CHKA: variants seen among roughly 807,000 people sequenced by gnomAD.
CHKA encodes the protein choline kinase alpha, also known as CHETK-alpha.
CHKA carries 34 observed loss-of-function variants against 60.1 expected under a neutral mutation model. The observed-to-expected ratio is 0.57, with a 90% CI of 0.43 to 0.75. The LOEUF (loss-of-function observed/expected upper bound fraction) is 0.75, where lower values mean the gene tolerates loss of function less well. Ranked by LOEUF, CHKA falls within the 30% of genes least tolerant of loss-of-function variation. The pLI, the probability that CHKA is intolerant of heterozygous loss-of-function variation, is 0.00. For missense variants in CHKA, 563 were observed against 561.3 expected (o/e 1.00, Z -0.03); for synonymous variants, 217 against 223.1 (o/e 0.97, Z 0.24).
At chr11:68,100,590 C>G (rs1857672202) in intron 1 of CHKA, among the ~76,000 whole-genome samples, 1 of 117,498 alleles carries the variant, frequency 8.5e-6, no homozygotes, top group African/African-American at 3.3e-5. Context: ...AACATCATCT[C>G]CAATAAATAA....
intron 4 of CHKA, among the ~76,000 whole-genome samples, chr11:68,071,199 A>G (rs1856606424): frequency 1.3e-5 from 2 of 152,220 alleles, no homozygotes; most frequent in Admixed American, 1.3e-4. Context: ...CCCAATGCTG[A>G]AGTCCATGTC....
rs900372938 is a variant in CHKA, at chr11:68,121,326, G to GCTGCGGCGA, written c.-158_-150dup. The GCTGCGGCGA allele has an allele frequency of 0.39, 109,156 of 278,162 alleles. 29,294 individuals are homozygous for GCTGCGGCGA. Among genetic ancestry groups the GCTGCGGCGA allele is most frequent in the Admixed American group, 0.63 (9,734 of 15,562 alleles). 17.2% of individuals were successfully genotyped at this position (278,162 alleles called of 1,614,324 possible). ...TTGGGCGCGCGGGGCGGCGGCGGCG[G>GCTGCGGCGA]CTGCGGCGACTGCGGCGACTGTGGA... On this transcript the variant is annotated 5_prime_UTR_variant, in exon 1 of 12. Coordinates refer to ENST00000265689, the MANE Select transcript of CHKA (RefSeq NM_001277.3).
chr11:68,081,685 G>A, intron 2 of CHKA: 1 of 460,772 alleles, frequency 2.2e-6, no homozygotes, highest in Non-Finnish European at 4.0e-6. Context: ...GGATGTGCCG[G>A]TGAGACCCGA....
In CHKA at chr11:68,070,749, T is replaced by C; in HGVS notation, c.739A>G (p.Lys247Glu). 6.2e-7 allele frequency: 1 copy of C among 1,612,530 alleles called. No homozygotes were observed. ...TTTTCCATTGTGCCAAAAAGCCATT[T>C]TGGTTCCTTATTGAATGGCATTTTC... The part of the protein sequence containing the change: ...GMKMPFNKEP[K>E]WLFGTMEKYL... Residue 247 changes from lysine to glutamate, a missense_variant, in exon 5 of 12, where the codon AAA becomes GAA. Coordinates refer to ENST00000265689, the MANE Select transcript of CHKA (RefSeq NM_001277.3).
At chr11:68,098,315 A>G (rs559457696) in intron 1 of CHKA, among the ~76,000 whole-genome samples, 5 of 151,996 alleles carry the variant, frequency 3.3e-5, no homozygotes, top group Admixed American at 2.6e-4. Flanking sequence ...ATAAAAGAAA[A>G]ATGTCATAGG....
At position 68,065,766 on chromosome 11, in the gene CHKA, T is replaced by G; in HGVS notation, c.1125+20A>C. 1 of 1,476,756 alleles carries G rather than the reference T, an allele frequency of 6.8e-7. No individual in the cohort carries two copies. The highest frequency in any genetic ancestry group is 9.4e-7 in the Non-Finnish European group (1 of 1,059,636). 91.5% of individuals were successfully genotyped at this position (1,476,756 alleles called of 1,614,324 possible). A position where few individuals can be genotyped will look rare whatever the true frequency, so the allele number is the denominator to read the frequency against. On this transcript the variant is annotated intron_variant, in intron 9 of 11. Coordinates refer to ENST00000265689, the MANE Select transcript of CHKA (RefSeq NM_001277.3). ...TGACATGTAATTTTCCTATCAAGTA[T>G]ACAAAAACTCATCTCCTACCTGTTG...
chr11:68,097,225 G>A, intron 1 of CHKA, 95 bp from the exon 2 acceptor site: 1 of 830,358 alleles, frequency 1.2e-6, no homozygotes, highest in Non-Finnish European at 1.9e-6. Flanking sequence ...GGTTACACAA[G>A]AACTGTTCTC....
intron 1 of CHKA, among the ~76,000 whole-genome samples, chr11:68,116,921 C>T (rs1332031608): frequency 6.6e-6 from 1 of 152,080 alleles, no homozygotes; most frequent in African/African-American, 2.4e-5. Context: ...CAAGGATCTC[C>T]GTTCATCACA....
chr11:68,081,641 C>T, intron 2 of CHKA, 184 bp from the exon 3 acceptor site: 2 of 543,894 alleles, frequency 3.7e-6, no homozygotes, highest in Non-Finnish European at 6.7e-6. Flanking sequence ...AGTACCAACA[C>T]CTTAGAAAGT....
chr11:68,076,251 CATCT>C (rs533690771), intron 3 of CHKA, among the ~76,000 whole-genome samples: 34 of 152,216 alleles, frequency 2.2e-4, no homozygotes, highest in African/African-American at 7.0e-4. Flanking sequence ...AAACTGATAA[CATCT>C]ATCTATCAAG....
At chr11:68,108,091 C>T (rs113739412) in intron 1 of CHKA, among the ~76,000 whole-genome samples, 6 of 152,232 alleles carry the variant, frequency 3.9e-5, no homozygotes, top group African/African-American at 1.2e-4. Context: ...GGAAGGAGAA[C>T]GTGGGCATCA....
rs774945375 is a variant in CHKA at position 68,120,887 on chromosome 11, C to G, written c.291G>C (p.Glu97Asp). 1 of 1,351,910 alleles carries G rather than the reference C, an allele frequency of 7.4e-7. No individual in the cohort carries two copies. Among genetic ancestry groups the G allele is most frequent in the South Asian group, 1.5e-5 (1 of 66,562 alleles). 83.7% of individuals were successfully genotyped at this position (1,351,910 alleles called of 1,614,324 possible). The change falls in exon 1 of 12, where the codon GAG becomes GAC. Residue 97 changes from glutamate to aspartate, a missense_variant. Coordinates refer to ENST00000265689, the MANE Select transcript of CHKA (RefSeq NM_001277.3). The stretch of plus-strand genomic sequence containing the variant: ...GGCCCCGCCAGGCGCCGGGCAGGAA[C>G]TCCTTGCACCACAGATAGGCCCTGC... ...TRRRAYLWCK[E>D]FLPGAWRGLR...
rs1417567845 is a variant in CHKA at position 68,070,716 on chromosome 11, C to T, written c.764+8G>A. 1 of 1,607,944 alleles carries T rather than the reference C, an allele frequency of 6.2e-7. No homozygotes were observed. Among genetic ancestry groups the T allele is most frequent in the East Asian group, 2.2e-5 (1 of 44,646 alleles). ...ACTATGTTAGGACCAAGTGATTTGA[C>T]CACTTACTTTTCCATTGTGCCAAAA... On this transcript the variant is annotated splice_region_variant and intron_variant, in intron 5 of 11. Transcript: ENST00000265689.
intron 2 of CHKA, among the ~76,000 whole-genome samples, chr11:68,091,085 T>C (rs1187120780): frequency 6.6e-6 from 1 of 152,222 alleles, no homozygotes; most frequent in Non-Finnish European, 1.5e-5. Flanking sequence ...GCAGAGCTCA[T>C]GTTCCTTCCC....
At chr11:68,101,323 C>T (rs1400911921) in intron 1 of CHKA, among the ~76,000 whole-genome samples, 2 of 151,846 alleles carry the variant, frequency 1.3e-5, no homozygotes, top group South Asian at 2.1e-4. Flanking sequence ...GCCAGAAAAA[C>T]AAGGCAAGAG....
chr11:68,098,891 G>GCCATGTTGT (rs1857606184), intron 1 of CHKA, among the ~76,000 whole-genome samples: 2 of 2,548 alleles, frequency 7.8e-4, no homozygotes, highest in Admixed American at 5.3e-3. Flanking sequence ...ACGGAGTTTT[G>GCCATGTTGT]CCAGGCTGCT....
At chr11:68,095,906 G>C (rs1372839590) in intron 2 of CHKA, among the ~76,000 whole-genome samples, 1 of 150,362 alleles carries the variant, frequency 6.7e-6, no homozygotes, top group Non-Finnish European at 1.5e-5. Flanking sequence ...GGCGGGTGTA[G>C]TGGCACACCC....
intron 3 of CHKA, 29 bp downstream of exon 3, chr11:68,081,375 C>G: frequency 1.2e-6 from 2 of 1,603,290 alleles, no homozygotes; most frequent in Non-Finnish European, 1.7e-6. Context: ...TCACATCTCA[C>G]ACAGATGCAG....
At chr11:68,054,717 C>G (rs540574937) in intron 11 of CHKA, among the ~76,000 whole-genome samples, 1 of 152,298 alleles carries the variant, frequency 6.6e-6, no homozygotes, top group South Asian at 2.1e-4. Flanking sequence ...AGCATGAGCC[C>G]ATTTTAAGTG....
Sources: gnomAD v4.1 joint callset for allele counts (sites outside exome capture counted in the v4.1 genomes callset) on GRCh38, gnomAD v4.1.1 for gene constraint, MANE v1.5 for transcripts, NCBI Gene and HGNC (gene_info 2026-07-23, HGNC 2026-07-21) for gene names.